Variants in JAG2 observed in about 807,000 individuals in gnomAD.
The protein encoded by JAG2 is protein jagged-2.
JAG2 carries 46 observed loss-of-function variants against 141.7 expected under a neutral mutation model. The ratio of observed to expected loss-of-function variants is 0.32; its 90% CI spans 0.26 to 0.42. The LOEUF is 0.42. JAG2 is among the 10% of genes least tolerant of loss of function. JAG2 has a pLI of 1.00. For synonymous variants in JAG2, 862 were observed against 763.5 expected (o/e 1.13, Z -2.13); for missense variants, 1,500 against 1,817.5 (o/e 0.83, Z 3.18).
chr14:105,146,220 C>G (rs141556061), intron 22 of JAG2, among the ~76,000 whole-genome samples, 165 bp downstream of exon 22: 1 of 152,180 alleles, frequency 6.6e-6, no homozygotes, highest in South Asian at 2.1e-4. Context: ...AACTGCACAT[C>G]GAAGCATGGG....
At chr14:105,153,674 C>T (rs80153838) in intron 5 of JAG2, among the ~76,000 whole-genome samples, 2,974 of 152,328 alleles carry the variant, frequency 0.02, 82 homozygotes, top group East Asian at 0.11. Context: ...TGGGCCTCCC[C>T]GACAGGGCCA....
intron 2 of JAG2, among the ~76,000 whole-genome samples, chr14:105,166,816 C>G (rs1435858885): frequency 2.6e-5 from 4 of 152,212 alleles, no homozygotes; most frequent in South Asian, 2.1e-4. Context: ...TCCATCTACT[C>G]CCTGATCACA....
At chr14:105,165,499 C>G (rs1230768528) in intron 2 of JAG2, among the ~76,000 whole-genome samples, 1 of 152,184 alleles carries the variant, frequency 6.6e-6, no homozygotes, top group Non-Finnish European at 1.5e-5. Flanking sequence ...ATGTGGTCCA[C>G]CACCTCTCCA....
rs754120117 is a variant in JAG2, at chr14:105,155,987, C to A, written c.478G>T (p.Glu160Ter). The A allele has an allele frequency of 1.2e-6, 2 of 1,603,616 alleles. No individual in the cohort carries two copies. Among genetic ancestry groups the A allele is most frequent in the Non-Finnish European group, 1.7e-6 (2 of 1,179,170 alleles). Reference protein sequence around the residue: ...DWDNDTTPNEELLIERVSHAG... With the variant: ...DWDNDTTPNE ...TGCGACACTCGCTCGATCAGCAGCT[C>A]CTCTTGGGGAGGCGGCAGAGTCAGC... Residue 160 changes from glutamate to a stop codon, truncating the protein, a stop_gained and splice_region_variant, in exon 4 of 26, where the codon GAG (glutamate) becomes TAG (stop). Coordinates refer to ENST00000331782, the MANE Select transcript of JAG2 (RefSeq NM_002226.5). LOFTEE classifies it high-confidence loss of function.
intron 2 of JAG2, among the ~76,000 whole-genome samples, chr14:105,159,249 G>A (rs1197530362): frequency 6.6e-6 from 1 of 151,972 alleles, no homozygotes; most frequent in Non-Finnish European, 1.5e-5. Context: ...CCGAGCCCCT[G>A]CCTGCAGAAC....
In JAG2 at chr14:105,152,022, T is replaced by C. The variant is rs1446414539; in HGVS notation, c.955A>G (p.Asn319Asp). 1 of 1,613,290 alleles carries C rather than the reference T, an allele frequency of 6.2e-7. No individual in the cohort carries two copies. The change falls in exon 7 of 26, where the codon AAC becomes GAC. Residue 319 changes from asparagine to aspartate, a missense_variant. Transcript: ENST00000331782. ...NYCGSHHPCTNGGTCINAEPD... is the reference protein window; with the variant it reads ...NYCGSHHPCTDGGTCINAEPD... ...TCGGCGTTGATGCACGTGCCTCCGT[T>C]GGTGCAGGGGTGGTGGCTGCCACAG...
chr14:105,148,066 C>G, intron 17 of JAG2, 50 bp downstream of exon 17: 8 of 1,444,524 alleles, frequency 5.5e-6, no homozygotes, highest in Non-Finnish European at 7.6e-6. Context: ...GGGAGCGGTG[C>G]CTGGGAGGGC....
At chr14:105,149,122 C>T (rs775613459) in intron 13 of JAG2, 33 bp from the exon 14 acceptor site, 29 of 1,588,500 alleles carry the variant, frequency 1.8e-5, no homozygotes, top group East Asian at 1.6e-4. Flanking sequence ...GAGTCAGGCC[C>T]GCCCCTGCCC....
chr14:105,152,903 C>T (rs917539671), intron 5 of JAG2, among the ~76,000 whole-genome samples: 16 of 152,146 alleles, frequency 1.1e-4, no homozygotes, highest in Non-Finnish European at 2.2e-4. Flanking sequence ...CCCAGCTGCA[C>T]CCCCCAGGAC....
At position 105,147,526 on chromosome 14, in the gene JAG2, A is replaced by G. The variant is rs761009674; in HGVS notation, c.2367T>C (p.Asn789=). ...AAGGCAGAGGGTTGCAGTCGTTGGT[A>G]TCTGGTTTGGGAGAAGAGAACGCAG... ...DGWEGRTCTH[N]TNDCNPLPCY... is the part of the protein sequence containing the mutation. Residue 789 remains asparagine (N), a splice_region_variant and synonymous_variant, in exon 19 of 26, where the codon AAT becomes AAC. Coordinates refer to ENST00000331782, the MANE Select transcript of JAG2 (RefSeq NM_002226.5). The G allele has an allele frequency of 5.6e-6, 9 of 1,611,434 alleles. No homozygotes were observed. The South Asian group carries it at 6.6e-5, about 12-fold the overall frequency.
At chr14:105,162,770 G>A (rs1474699583) in intron 2 of JAG2, among the ~76,000 whole-genome samples, 4 of 69,626 alleles carry the variant, frequency 5.7e-5, no homozygotes, top group Non-Finnish European at 9.6e-5. Flanking sequence ...ATGGCCCAGT[G>A]TACCCACAGT....
At chr14:105,143,685 T>A (rs371052515) in intron 24 of JAG2, 47 bp from the exon 25 acceptor site, 12 of 1,594,430 alleles carry the variant, frequency 7.5e-6, no homozygotes, top group African/African-American at 5.3e-5. Context: ...GGCTCCAGGC[T>A]CCCAGCAGCC....
rs1328115188 is a variant in JAG2, at chr14:105,147,755, A to G, written c.2365+17T>C. ...GTGGAGGAAAGCGGCCCCCGCCCACACCCCTCCCACACTCACTGTGAGTGC... is the reference window on the plus strand; with the variant it reads ...GTGGAGGAAAGCGGCCCCCGCCCACGCCCCTCCCACACTCACTGTGAGTGC... On this transcript the variant is annotated intron_variant, in intron 18 of 25. Coordinates refer to ENST00000331782, the MANE Select transcript of JAG2 (RefSeq NM_002226.5). The G allele has an allele frequency of 6.7e-7, 1 of 1,499,782 alleles. No homozygotes were observed. Among genetic ancestry groups the G allele is most frequent in the Non-Finnish European group, 9.1e-7 (1 of 1,102,802 alleles). 92.9% of individuals were successfully genotyped at this position (1,499,782 alleles called of 1,614,324 possible). A position where few individuals can be genotyped will look rare whatever the true frequency, so the allele number is the denominator to read the frequency against.
intron 1 of JAG2, 56 bp from the exon 2 acceptor site, chr14:105,168,163 G>A: frequency 1.4e-6 from 2 of 1,397,442 alleles, no homozygotes; most frequent in Non-Finnish European, 1.9e-6. Context: ...TCGGCGGGCC[G>A]GGCGCCAGGG....
Position 105,142,589 on chromosome 14 carries a change from T to C in JAG2, c.*106A>G. The C allele has an allele frequency of 2.4e-6, 2 of 834,250 alleles. No homozygotes were observed. The highest frequency in any genetic ancestry group is 3.5e-5 in the African/African-American group (2 of 57,844). 51.7% of individuals were successfully genotyped at this position (834,250 alleles called of 1,614,324 possible). ...TTTGGTTTTTGTTTTTGGTGGTTTT[T>C]TTACACAAAATAAAGAAACTATGCA... On this transcript the variant is annotated 3_prime_UTR_variant, in exon 26 of 26. Coordinates refer to ENST00000331782, the MANE Select transcript of JAG2 (RefSeq NM_002226.5).
chr14:105,160,744 T>C (rs1212098503), intron 2 of JAG2, among the ~76,000 whole-genome samples: 1 of 151,652 alleles, frequency 6.6e-6, no homozygotes, highest in Non-Finnish European at 1.5e-5. Flanking sequence ...GTGTCTGTAG[T>C]CCCAGCTACT....
rs745979894 is a variant in JAG2 at position 105,151,127 on chromosome 14, G to A, written c.1268-23C>T. The A allele has an allele frequency of 1.9e-6, 3 of 1,595,034 alleles. No individual in the cohort carries two copies. In the Admixed American group the frequency reaches 5.2e-5, roughly 28 times the overall value. ...CGTCTGTGAAAGAGACAAGGTGGGA[G>A]CCGTGGGGCTCGGGCCCTGCCTGCC... On this transcript the variant is annotated intron_variant, in intron 9 of 25. Transcript: ENST00000331782.
At chr14:105,148,595 C>G in intron 15 of JAG2, 150 bp downstream of exon 15, 7 of 879,886 alleles carry the variant, frequency 8.0e-6, no homozygotes, top group Non-Finnish European at 1.2e-5. Context: ...TGGGGGCAGC[C>G]TGGGACTCCA....
intron 2 of JAG2, among the ~76,000 whole-genome samples, chr14:105,161,971 G>A (rs369994072): frequency 3.9e-5 from 6 of 152,330 alleles, no homozygotes; most frequent in African/African-American, 1.2e-4. Context: ...CTAGAACACA[G>A]GAGGGACTAT....
Sources: allele counts gnomAD v4.1 joint callset (sites outside exome capture counted in the v4.1 genomes callset), GRCh38; gene constraint gnomAD v4.1.1; transcripts MANE v1.5; gene names NCBI Gene and HGNC (gene_info 2026-07-23, HGNC 2026-07-21).